Variants in RUNX2 observed in about 807,000 individuals in gnomAD.
RUNX2 encodes RUNX family transcription factor 2, also known as runt-related transcription factor 2.
Under a neutral mutation model 51.7 loss-of-function variants are expected in RUNX2, and 10 were observed. The ratio of observed to expected loss-of-function variants is 0.19; its 90% confidence interval spans 0.12 to 0.33. The LOEUF is 0.33. Among genes scored for constraint, RUNX2 ranks in the 10% least tolerant of loss-of-function variants. RUNX2 has a pLI of 1.00. For missense variants in RUNX2, 562 were observed against 691.3 expected, an observed-to-expected ratio of 0.81 and a Z score of 2.10; for synonymous variants, 276 against 273.6, an observed-to-expected ratio of 1.01 and a Z score of -0.09.
At chr6:45,420,157 G>C (rs942547647) in intron 2 of RUNX2, among the ~76,000 whole-genome samples, 3 of 152,126 alleles carry the variant, frequency 2.0e-5, no homozygotes, top group Admixed American at 2.0e-4. Flanking sequence ...CTGCTCCCGC[G>C]GTCTGGCAGA....
intron 6 of RUNX2, among the ~76,000 whole-genome samples, chr6:45,495,465 G>T (rs1043078704): frequency 3.9e-5 from 6 of 152,168 alleles, no homozygotes; most frequent in African/African-American, 1.2e-4. Flanking sequence ...TTCAAGTTTA[G>T]GGTCAATGTA....
intron 2 of RUNX2, chr6:45,372,069 T>C: frequency 1.1e-6 from 1 of 948,022 alleles, no homozygotes; most frequent in Non-Finnish European, 1.3e-6. Context: ...CTCCACAATG[T>C]GTATGTCACA....
At chr6:45,338,177 C>T (rs574291646) in intron 2 of RUNX2, among the ~76,000 whole-genome samples, 317 of 152,038 alleles carry the variant, frequency 2.1e-3, no homozygotes, top group Non-Finnish European at 3.7e-3. Flanking sequence ...ACAGCTAATG[C>T]CTGTATTAGG....
chr6:45,384,892 T>G (rs1187090763), intron 2 of RUNX2, among the ~76,000 whole-genome samples: 1 of 151,740 alleles, frequency 6.6e-6, no homozygotes, highest in Non-Finnish European at 1.5e-5. Context: ...TTTATGGAGA[T>G]GGGGTCTCAC....
Position 45,328,775 on chromosome 6 carries a change from T to C in RUNX2, c.49T>C (p.Phe17Leu). 3 of 1,612,130 alleles carry C rather than the reference T, an allele frequency of 1.9e-6. No homozygotes were observed. The highest frequency in any genetic ancestry group is 2.5e-6 in the Non-Finnish European group (3 of 1,178,650). The change falls in exon 2 of 9, where the codon TTC (phenylalanine) becomes CTC (leucine). Residue 17 changes from phenylalanine to leucine, a missense_variant. Physicochemically the swap from Phe to Leu is conservative, Grantham distance 22. Transcript: ENST00000647337. Reference sequence around the variant, plus strand: ...CACAGTGACACCATGTCAGCAAAACTTCTTTTGGGGTAAGTGTTACCATTT... The same window carrying C: ...CACAGTGACACCATGTCAGCAAAACCTCTTTTGGGGTAAGTGTTACCATTT... ...FSTVTPCQQNFFWDPSTSRRF... is the reference protein window; with the variant it reads ...FSTVTPCQQNLFWDPSTSRRF...
intron 5 of RUNX2, among the ~76,000 whole-genome samples, chr6:45,486,514 A>T (rs556874674): frequency 1.1e-4 from 16 of 152,294 alleles, no homozygotes; most frequent in African/African-American, 3.4e-4. Context: ...ACAGGTAAAT[A>T]CCTAGGGAAT....
intron 2 of RUNX2, among the ~76,000 whole-genome samples, chr6:45,397,464 T>A (rs1797608990): frequency 6.6e-6 from 1 of 152,156 alleles, no homozygotes; most frequent in Non-Finnish European, 1.5e-5. Context: ...AGTTTGGAAA[T>A]GGTACCATTT....
At chr6:45,383,499 A>G (rs1797285277) in intron 2 of RUNX2, among the ~76,000 whole-genome samples, 1 of 152,178 alleles carries the variant, frequency 6.6e-6, no homozygotes, top group South Asian at 2.1e-4. Flanking sequence ...TTCTATAATA[A>G]TTAAATTAAT....
At chr6:45,477,647 A>C (rs1032166887) in intron 5 of RUNX2, among the ~76,000 whole-genome samples, 2 of 152,082 alleles carry the variant, frequency 1.3e-5, no homozygotes, top group African/African-American at 4.8e-5. Flanking sequence ...TATGTCTCAC[A>C]TTCACTCCCT....
At chr6:45,486,891 G>A (rs923587260) in intron 5 of RUNX2, among the ~76,000 whole-genome samples, 14 of 152,140 alleles carry the variant, frequency 9.2e-5, no homozygotes, top group African/African-American at 2.2e-4. Flanking sequence ...CAGAGTCTTC[G>A]TGTGCCAGTT....
chr6:45,356,531 G>A (rs1218415991), intron 2 of RUNX2, among the ~76,000 whole-genome samples: 1 of 151,954 alleles, frequency 6.6e-6, no homozygotes, highest in African/African-American at 2.4e-5. Context: ...CTGAGTAGCT[G>A]GGATTAAAAG....
intron 5 of RUNX2, among the ~76,000 whole-genome samples, chr6:45,484,086 A>C (rs763458882): frequency 1.3e-5 from 2 of 152,122 alleles, no homozygotes; most frequent in Non-Finnish European, 2.9e-5. Context: ...CTAACTCTTC[A>C]TTTTTTGGTA....
chr6:45,334,644 T>A (rs781343377), intron 2 of RUNX2, among the ~76,000 whole-genome samples: 1 of 151,120 alleles, frequency 6.6e-6, no homozygotes, highest in Non-Finnish European at 1.5e-5. Context: ...ATGTTCAACT[T>A]AAATTTCTTC....
At chr6:45,401,034 G>A (rs1797705362) in intron 2 of RUNX2, among the ~76,000 whole-genome samples, 1 of 152,066 alleles carries the variant, frequency 6.6e-6, no homozygotes, top group Non-Finnish European at 1.5e-5. Context: ...ACAACTTTCA[G>A]CTTTGCTATT....
chr6:45,389,775 T>A (rs1179908467), intron 2 of RUNX2, among the ~76,000 whole-genome samples: 3 of 152,102 alleles, frequency 2.0e-5, no homozygotes, highest in African/African-American at 7.2e-5. Flanking sequence ...TTTGGGAGGC[T>A]GAGGTGGGCA....
At chr6:45,417,384 C>A (rs142490545) in intron 2 of RUNX2, among the ~76,000 whole-genome samples, 235 of 152,234 alleles carry the variant, frequency 1.5e-3, no homozygotes, top group African/African-American at 5.6e-3. Context: ...TCTTAAGGAG[C>A]CTGTGAAAAT....
Position 45,535,561 on chromosome 6 carries a change from G to A in RUNX2, c.1022-9656G>A, listed in dbSNP as rs139874450. On this transcript the variant is annotated intron_variant, in intron 7 of 8. Coordinates refer to ENST00000647337, the MANE Select transcript of RUNX2 (RefSeq NM_001024630.4). ...AGAGCTTGCAGTGAGCCGAGATTGCGCCACTGCACTCTAGCCTGGGCAACA... is the reference window on the plus strand; with the variant it reads ...AGAGCTTGCAGTGAGCCGAGATTGCACCACTGCACTCTAGCCTGGGCAACA... Among the ~76,000 whole-genome samples, 607 of 151,226 alleles carry A rather than the reference G, an allele frequency of 4.0e-3. 5 individuals are homozygous for A. Among genetic ancestry groups the A allele is most frequent in the Admixed American group, 0.016 (247 of 15,176 alleles).
intron 2 of RUNX2, among the ~76,000 whole-genome samples, chr6:45,413,337 C>A (rs879272847): frequency 1.8e-4 from 27 of 151,654 alleles, no homozygotes; most frequent in Middle Eastern, 3.4e-3. Context: ...ACAGGACACA[C>A]ACACACAATC....
intron 2 of RUNX2, among the ~76,000 whole-genome samples, chr6:45,358,515 T>C (rs1327020827): frequency 6.6e-6 from 1 of 152,186 alleles, no homozygotes; most frequent in African/African-American, 2.4e-5. Context: ...TTGAATTACT[T>C]TTTATAAACT....
Sources: gnomAD v4.1 joint callset for allele counts (sites outside exome capture counted in the v4.1 genomes callset) on GRCh38, gnomAD v4.1.1 for gene constraint, MANE v1.5 for transcripts, NCBI Gene and HGNC (gene_info 2026-07-23, HGNC 2026-07-21) for gene names.